ANKS6: variants seen among roughly 807,000 people sequenced by gnomAD.
ANKS6 encodes ankyrin repeat and sterile alpha motif domain containing 6.
In ANKS6, 47 loss-of-function variants were observed where a neutral mutation model predicts 77.9. That is an observed-to-expected ratio of 0.60 (90% CI 0.48 to 0.77). The LOEUF (loss-of-function observed/expected upper bound fraction) is 0.77, where lower values mean the gene tolerates loss of function less well. Among genes scored for constraint, ANKS6 ranks in the 30% least tolerant of loss-of-function variants. ANKS6 has a pLI of 0.00. For synonymous variants in ANKS6, 488 were observed against 501.7 expected (o/e 0.97, Z 0.37); for missense variants, 1,150 against 1,159.1 (o/e 0.99, Z 0.11).
intron 8 of ANKS6, 100 bp from the exon 9 acceptor site, chr9:98,774,180 C>G: frequency 9.2e-7 from 1 of 1,084,026 alleles, no homozygotes; most frequent in Non-Finnish European, 1.2e-6. Flanking sequence ...CATGGCACCA[C>G]CATCCACCCC....
intron 11 of ANKS6, among the ~76,000 whole-genome samples, chr9:98,757,122 C>G (rs545726701): frequency 1.2e-4 from 19 of 152,308 alleles, no homozygotes; most frequent in Admixed American, 1.2e-3. Flanking sequence ...AAGAGCTGCA[C>G]AGAGAGAACA....
chr9:98,756,715 T>C lies in ANKS6; in HGVS notation c.2143-112A>G, dbSNP rs1832727297. On this transcript the variant is annotated intron_variant, in intron 11 of 14. Transcript: ENST00000353234. ...GTGGTATTTGATTCAACATGATGTT[T>C]AACCAAGACTATGAAATCTACTTTT... 4.6e-6 allele frequency: 4 copies of C among 874,936 alleles called. No individual in the cohort carries two copies. In the East Asian group the frequency reaches 9.6e-5, roughly 21 times the overall value. 54.2% of individuals were successfully genotyped at this position (874,936 alleles called of 1,614,324 possible).
intron 14 of ANKS6, among the ~76,000 whole-genome samples, chr9:98,739,800 G>C: frequency 1.1e-5 from 1 of 91,528 alleles, no homozygotes; most frequent in South Asian, 3.8e-4. Context: ...TGTCGCCCAG[G>C]CTGGAGTGCA....
rs1361889732 is a variant in ANKS6, at chr9:98,732,759, A to G, written c.*3760T>C. The G allele has an allele frequency of 1.4e-6, 2 of 1,419,626 alleles. No homozygotes were observed. The highest frequency in any genetic ancestry group is 9.2e-7 in the Non-Finnish European group (1 of 1,089,754). 87.9% of individuals were successfully genotyped at this position (1,419,626 alleles called of 1,614,324 possible). On this transcript the variant is annotated 3_prime_UTR_variant, in exon 15 of 15. Transcript: ENST00000353234. ...AAAGGGAAGAAGAAACGTGCTCAAC[A>G]TCACGCAGCACTAGGTCTATGTCCA... is the stretch of plus-strand genomic sequence containing the variant.
chr9:98,790,029 G>T, intron 2 of ANKS6, 75 bp downstream of exon 2: 1 of 1,499,674 alleles, frequency 6.7e-7, no homozygotes, highest in Non-Finnish European at 8.9e-7. Flanking sequence ...CCTTCCAGTA[G>T]AGCAATCCTC....
At chr9:98,764,219 C>T (rs1235663703) in intron 11 of ANKS6, among the ~76,000 whole-genome samples, 1 of 152,092 alleles carries the variant, frequency 6.6e-6, no homozygotes, top group Non-Finnish European at 1.5e-5. Flanking sequence ...GCTGTAATTC[C>T]TATTTTTGTT....
chr9:98,778,460 G>C (rs1387106426), intron 6 of ANKS6, 36 bp from the exon 7 acceptor site: 1 of 1,601,988 alleles, frequency 6.2e-7, no homozygotes, highest in Admixed American at 1.7e-5. Flanking sequence ...TCATGCTCCA[G>C]GAAGGGCAAG....
At position 98,733,023 on chromosome 9, in the gene ANKS6, A is replaced by T. The variant is rs574767064; in HGVS notation, c.*3496T>A. The stretch of plus-strand genomic sequence containing the variant: ...GGCTGAGCCTGAGCCATCATCGATG[A>T]CTTTCCCTGAGCTGTATACCCAGCA... On this transcript the variant is annotated 3_prime_UTR_variant, in exon 15 of 15. Coordinates refer to ENST00000353234, the MANE Select transcript of ANKS6 (RefSeq NM_173551.5). The T allele has an allele frequency of 1.4e-4, 121 of 887,144 alleles. 2 individuals carry two copies. In the South Asian group the frequency reaches 5.3e-3, roughly 39 times the overall value. 55.0% of individuals were successfully genotyped at this position (887,144 alleles called of 1,614,324 possible).
intron 11 of ANKS6, among the ~76,000 whole-genome samples, chr9:98,760,905 T>C (rs1832971575): frequency 6.6e-6 from 1 of 152,242 alleles, no homozygotes; most frequent in African/African-American, 2.4e-5. Context: ...AAAATCCACC[T>C]AGTAGTCAGT....
chr9:98,752,767 G>T (rs1170495717), intron 12 of ANKS6, among the ~76,000 whole-genome samples: 1 of 152,198 alleles, frequency 6.6e-6, no homozygotes, highest in Non-Finnish European at 1.5e-5. Flanking sequence ...TAGCTACCAG[G>T]CCTGTGCTAG....
chr9:98,792,150 G>A (rs776002746), intron 1 of ANKS6, among the ~76,000 whole-genome samples: 8 of 151,702 alleles, frequency 5.3e-5, no homozygotes, highest in Non-Finnish European at 1.0e-4. Flanking sequence ...ACACCTTCCC[G>A]CCTTCCCCAC....
intron 14 of ANKS6, among the ~76,000 whole-genome samples, chr9:98,737,361 A>G (rs911781506): frequency 2.6e-5 from 4 of 152,220 alleles, no homozygotes; most frequent in African/African-American, 7.2e-5. Flanking sequence ...TAGAACTGAT[A>G]AAAGAATTCA....
intron 2 of ANKS6, among the ~76,000 whole-genome samples, chr9:98,788,552 TG>T (rs1834709906): frequency 6.6e-6 from 1 of 152,206 alleles, no homozygotes; most frequent in Non-Finnish European, 1.5e-5. Context: ...CCTAGGAGAC[TG>T]GGGCCCTAAT....
chr9:98,735,264 T>G lies in ANKS6; in HGVS notation c.*1255A>C, dbSNP rs558466940. 4.0e-6 allele frequency: 4 copies of G among 989,224 alleles called. No homozygotes were observed. In the South Asian group the frequency reaches 1.9e-4, roughly 46 times the overall value. 61.3% of individuals were successfully genotyped at this position (989,224 alleles called of 1,614,324 possible). A position where few individuals can be genotyped will look rare whatever the true frequency, so the allele number is the denominator to read the frequency against. On this transcript the variant is annotated 3_prime_UTR_variant, in exon 15 of 15. Coordinates refer to ENST00000353234, the MANE Select transcript of ANKS6 (RefSeq NM_173551.5). ...TCTGCCCACTCTACCATGCTGCCTC[T>G]CAATGTCGGGACCATCTATTTACAG...
intron 1 of ANKS6, 22 bp from the exon 2 acceptor site, chr9:98,790,628 A>C (rs1192977317): frequency 6.3e-7 from 1 of 1,589,294 alleles, no homozygotes; most frequent in Non-Finnish European, 8.6e-7. Context: ...ATGGAGAATT[A>C]GTGACACTGA....
chr9:98,756,932 G>A (rs557756610), intron 11 of ANKS6, among the ~76,000 whole-genome samples: 6 of 118,828 alleles, frequency 5.0e-5, no homozygotes, highest in Admixed American at 1.1e-4. Context: ...CAAGCCCCCC[G>A]AGCTCTCTGG....
At chr9:98,783,473 A>G (rs1276039153) in intron 4 of ANKS6, 1 of 152,300 alleles carries the variant, frequency 6.6e-6, no homozygotes, top group East Asian at 1.9e-4. Flanking sequence ...ATGATCACAT[A>G]AGAAGGGGTT....
At chr9:98,779,734 A>G (rs1444156439) in intron 6 of ANKS6, among the ~76,000 whole-genome samples, 1 of 151,138 alleles carries the variant, frequency 6.6e-6, no homozygotes, top group Non-Finnish European at 1.5e-5. Flanking sequence ...CGCGATCTCG[A>G]CTCACTGCAA....
At chr9:98,754,687 T>C (rs952681679) in intron 12 of ANKS6, among the ~76,000 whole-genome samples, 7 of 151,018 alleles carry the variant, frequency 4.6e-5, no homozygotes, top group African/African-American at 1.2e-4. Flanking sequence ...CCCCGGCCTA[T>C]AACAATCATA....
Sources: allele counts gnomAD v4.1 joint callset (sites outside exome capture counted in the v4.1 genomes callset), GRCh38; gene constraint gnomAD v4.1.1; transcripts MANE v1.5; gene names NCBI Gene and HGNC (gene_info 2026-07-23, HGNC 2026-07-21).